KCND2: variants seen among roughly 807,000 people sequenced by gnomAD.
The protein encoded by KCND2 is potassium voltage-gated channel subfamily D member 2, also known as A-type voltage-gated potassium channel KCND2.
In KCND2, 16 loss-of-function variants were observed where a neutral mutation model predicts 54.4. The ratio of observed to expected loss-of-function variants is 0.29; its 90% confidence interval spans 0.20 to 0.45. KCND2 has a LOEUF of 0.45. Ranked by LOEUF, KCND2 falls within the 20% of genes least tolerant of loss-of-function variation. The pLI is 1.00. For missense variants in KCND2, 486 were observed against 824.2 expected (o/e 0.59, Z 5.02); for synonymous variants, 317 against 310.7 (o/e 1.02, Z -0.21).
At chr7:120,653,540 G>A (rs1425654897) in intron 1 of KCND2, among the ~76,000 whole-genome samples, 2 of 152,126 alleles carry the variant, frequency 1.3e-5, no homozygotes, top group Non-Finnish European at 2.9e-5. Context: ...CAAACCATGT[G>A]TTTGGTACCT....
chr7:120,283,856 A>G (rs1799300714), intron 1 of KCND2, among the ~76,000 whole-genome samples: 1 of 152,160 alleles, frequency 6.6e-6, no homozygotes, highest in Admixed American at 6.6e-5. Flanking sequence ...TAAGCCTGAA[A>G]GACAAAATGG....
intron 1 of KCND2, among the ~76,000 whole-genome samples, chr7:120,302,368 T>C (rs1207534094): frequency 1.3e-5 from 2 of 152,176 alleles, no homozygotes; most frequent in Non-Finnish European, 2.9e-5. Flanking sequence ...CAGGCGATCC[T>C]TGGACCTCAG....
At chr7:120,315,991 A>T (rs752100801) in intron 1 of KCND2, among the ~76,000 whole-genome samples, 3 of 152,168 alleles carry the variant, frequency 2.0e-5, no homozygotes, top group Non-Finnish European at 4.4e-5. Flanking sequence ...TAAAGAAGGA[A>T]AGTATACAAA....
intron 1 of KCND2, among the ~76,000 whole-genome samples, chr7:120,678,372 T>TATATAG (rs1554385180): frequency 7.5e-6 from 1 of 133,496 alleles, no homozygotes; most frequent in Non-Finnish European, 1.6e-5. Context: ...TATATATATA[T>TATATAG]ACGCACACAC....
chr7:120,417,874 G>A (rs926945568), intron 1 of KCND2, among the ~76,000 whole-genome samples: 14 of 152,270 alleles, frequency 9.2e-5, no homozygotes, highest in African/African-American at 2.9e-4. Flanking sequence ...TAATTTCTTT[G>A]AACCAGGAGT....
At chr7:120,595,877 A>G (rs1248411901) in intron 1 of KCND2, among the ~76,000 whole-genome samples, 2 of 151,738 alleles carry the variant, frequency 1.3e-5, no homozygotes, top group Non-Finnish European at 2.9e-5. Flanking sequence ...GAAAGAAGGA[A>G]GGAAAGCGGA....
intron 4 of KCND2, among the ~76,000 whole-genome samples, chr7:120,742,881 T>C (rs1054450042): frequency 2.6e-5 from 4 of 152,184 alleles, no homozygotes; most frequent in African/African-American, 9.6e-5. Flanking sequence ...TGAAGAGTGG[T>C]CTTCCAATAG....
chr7:120,731,827 A>G (rs1313092895), intron 1 of KCND2, among the ~76,000 whole-genome samples: 2 of 152,204 alleles, frequency 1.3e-5, no homozygotes, highest in African/African-American at 4.8e-5. Flanking sequence ...AAACGTTGAT[A>G]CTGGCAATTA....
chr7:120,692,894 G>C (rs73721453), intron 1 of KCND2, among the ~76,000 whole-genome samples: 1 of 152,156 alleles, frequency 6.6e-6, no homozygotes, highest in Non-Finnish European at 1.5e-5. Flanking sequence ...ATTGAACTTA[G>C]AGTTTCTGAA....
At chr7:120,621,102 A>G (rs1313218632) in intron 1 of KCND2, among the ~76,000 whole-genome samples, 4 of 151,564 alleles carry the variant, frequency 2.6e-5, no homozygotes, top group Non-Finnish European at 5.9e-5. Flanking sequence ...GTGAAACCCC[A>G]TCTCTACTAA....
At chr7:120,287,000 G>T (rs1444177317) in intron 1 of KCND2, among the ~76,000 whole-genome samples, 1 of 151,998 alleles carries the variant, frequency 6.6e-6, no homozygotes, top group Non-Finnish European at 1.5e-5. Context: ...AGGAAGTATA[G>T]TATATGTTTC....
Position 120,719,684 on chromosome 7 carries a change from C to T in KCND2, c.1116-13219C>T, listed in dbSNP as rs542129914. Among the ~76,000 whole-genome samples the T allele has an allele frequency of 9.9e-4, 150 of 152,074 alleles. 1 individual carries two copies. Among genetic ancestry groups the T allele is most frequent in the Non-Finnish European group, 1.9e-3 (129 of 67,990 alleles). On this transcript the variant is annotated intron_variant, in intron 1 of 5. Transcript: ENST00000331113. ...ACTTTCATTAGCATGATTAAAAAAACGCCAAAATAAAACAACAAGCAAAAC... is the reference window on the plus strand; with the variant it reads ...ACTTTCATTAGCATGATTAAAAAAATGCCAAAATAAAACAACAAGCAAAAC...
intron 1 of KCND2, among the ~76,000 whole-genome samples, chr7:120,662,013 C>A (rs1224237929): frequency 6.6e-6 from 1 of 152,136 alleles, no homozygotes; most frequent in African/African-American, 2.4e-5. Flanking sequence ...TTTCCTTTTT[C>A]AACCTATTAT....
chr7:120,473,943 T>C (rs1584793667), intron 1 of KCND2, among the ~76,000 whole-genome samples: 1 of 152,192 alleles, frequency 6.6e-6, no homozygotes, highest in East Asian at 1.9e-4. Flanking sequence ...TTCAGGGTAG[T>C]GTTCTTTATC....
chr7:120,386,550 G>C (rs954403401), intron 1 of KCND2, among the ~76,000 whole-genome samples: 4 of 152,094 alleles, frequency 2.6e-5, no homozygotes, highest in African/African-American at 9.7e-5. Context: ...AATTAGCAAT[G>C]CTTCTTAAAA....
intron 1 of KCND2, among the ~76,000 whole-genome samples, chr7:120,393,109 A>T (rs1040193149): frequency 6.6e-6 from 1 of 152,026 alleles, no homozygotes; most frequent in African/African-American, 2.4e-5. Flanking sequence ...ACTGTCCAAA[A>T]TATTTAGACC....
intron 1 of KCND2, among the ~76,000 whole-genome samples, chr7:120,276,487 A>G (rs1463141798): frequency 6.6e-6 from 1 of 152,154 alleles, no homozygotes; most frequent in African/African-American, 2.4e-5. Context: ...TACAGATCCC[A>G]TCAGGCAATG....
At chr7:120,592,377 C>T (rs539744548) in intron 1 of KCND2, among the ~76,000 whole-genome samples, 8 of 152,028 alleles carry the variant, frequency 5.3e-5, no homozygotes, top group South Asian at 2.1e-4. Flanking sequence ...TATGGTGACA[C>T]CCCATCTCTA....
chr7:120,341,992 C>T (rs1800246626), intron 1 of KCND2, among the ~76,000 whole-genome samples: 1 of 152,190 alleles, frequency 6.6e-6, no homozygotes, highest in East Asian at 1.9e-4. Flanking sequence ...GATCCCATCT[C>T]ATGTGATTTT....
Sources: allele counts gnomAD v4.1 joint callset (sites outside exome capture counted in the v4.1 genomes callset), GRCh38; gene constraint gnomAD v4.1.1; transcripts MANE v1.5; gene names NCBI Gene and HGNC (gene_info 2026-07-23, HGNC 2026-07-21).